Variants in CACNA1E observed in about 807,000 individuals in gnomAD.
The protein encoded by CACNA1E is calcium voltage-gated channel subunit alpha1 E, also known as voltage-dependent R-type calcium channel subunit alpha-1E.
CACNA1E carries 40 observed loss-of-function variants against 259.2 expected under a neutral mutation model. That is an observed-to-expected ratio of 0.15 (90% confidence interval 0.12 to 0.20). CACNA1E has a LOEUF of 0.20. Among genes scored for constraint, CACNA1E ranks in the 10% least tolerant of loss-of-function variants. The probability of loss-of-function intolerance (pLI) is 1.00; values close to 1 mark genes in which losing one functional copy is unlikely to be tolerated. For missense variants in CACNA1E, 1,874 were observed against 3,040.1 expected, an observed-to-expected ratio of 0.62 and a Z score of 9.02; for synonymous variants, 1,104 against 1,138.5, an observed-to-expected ratio of 0.97 and a Z score of 0.61.
Position 181,544,345 on chromosome 1 carries a change from G to A in CACNA1E, c.512+32835G>A, listed in dbSNP as rs144251364. On this transcript the variant is annotated intron_variant, in intron 3 of 47. Coordinates refer to ENST00000367573, the MANE Select transcript of CACNA1E (RefSeq NM_001205293.3). ...AATGGGTTTGGAGTTTTTTTGGAGC[G>A]TTGAAAATGTCCTAAAATTAGATAG... is the stretch of plus-strand genomic sequence containing the variant. Among the ~76,000 whole-genome samples, 1,013 of 151,410 alleles carry A rather than the reference G, an allele frequency of 6.7e-3. 11 individuals are homozygous for A. The highest frequency in any genetic ancestry group is 0.023 in the African/African-American group (935 of 41,320).
At chr1:181,579,919 C>T (rs957944388) in intron 5 of CACNA1E, among the ~76,000 whole-genome samples, 1 of 152,184 alleles carries the variant, frequency 6.6e-6, no homozygotes, top group Non-Finnish European at 1.5e-5. Flanking sequence ...GCTTGGTTTG[C>T]AAGTGTGCTT....
chr1:181,516,865 G>T (rs1267563631), intron 3 of CACNA1E, among the ~76,000 whole-genome samples: 1 of 152,244 alleles, frequency 6.6e-6, no homozygotes, highest in East Asian at 1.9e-4. Context: ...AGCCTTGCGT[G>T]GGAGGTGACC....
At chr1:181,505,369 T>TTTTTTG (rs1665621220) in intron 1 of CACNA1E, among the ~76,000 whole-genome samples, 1 of 152,052 alleles carries the variant, frequency 6.6e-6, no homozygotes, top group Non-Finnish European at 1.5e-5. Context: ...CCTTCTCTTT[T>TTTTTTG]TTTTTGTTTT....
At chr1:181,717,010 A>G (rs1653959249) in intron 10 of CACNA1E, 83 bp from the exon 11 acceptor site, 1 of 1,109,752 alleles carries the variant, frequency 9.0e-7, no homozygotes, top group African/African-American at 1.6e-5. Context: ...GGACTAGAGC[A>G]GCCCATCTTG....
chr1:181,597,656 G>A (rs150360538), intron 6 of CACNA1E, among the ~76,000 whole-genome samples: 94 of 152,294 alleles, frequency 6.2e-4, no homozygotes, highest in African/African-American at 2.2e-3. Flanking sequence ...TTTTCATGCT[G>A]CTATAAAGAC....
rs1660886868 is a variant in CACNA1E at position 181,786,860 on chromosome 1, CT to C, written c.5786+1042del. Among the ~76,000 whole-genome samples, 6 of 152,186 alleles carry C rather than the reference CT, an allele frequency of 3.9e-5. No homozygotes were observed. In the South Asian group the frequency reaches 1.2e-3, roughly 32 times the overall value. ...GCTCAGATCATTGATTTCTTTCTGC[CT>C]GTGGGGCTGGACTGTTTTTGAAAAG... is the stretch of plus-strand genomic sequence containing the variant. On this transcript the variant is annotated intron_variant, in intron 43 of 47. Transcript: ENST00000367573.
chr1:181,701,381 T>C lies in CACNA1E; in HGVS notation c.1056-9573T>C, dbSNP rs150169546. ...ACTGTAATTAGAGTGCTGTGGGGGG[T>C]GTAGATGGAGGAGAAAGAAGAATAT... On this transcript the variant is annotated intron_variant, in intron 7 of 47. Transcript: ENST00000367573. Among the ~76,000 whole-genome samples the C allele has an allele frequency of 5.2e-3, 791 of 152,166 alleles. 2 individuals are homozygous for C. The highest frequency in any genetic ancestry group is 8.4e-3 in the Non-Finnish European group (571 of 68,000).
chr1:181,359,828 T>A (rs945669794), intron 1 of CACNA1E, among the ~76,000 whole-genome samples: 5 of 152,240 alleles, frequency 3.3e-5, no homozygotes, highest in African/African-American at 9.7e-5. Flanking sequence ...ACATTCCTAT[T>A]CTGCTAGAGA....
chr1:181,462,713 A>G (rs1358763923), intron 2 of CACNA1E, among the ~76,000 whole-genome samples: 1 of 152,210 alleles, frequency 6.6e-6, no homozygotes, highest in Non-Finnish European at 1.5e-5. Flanking sequence ...TTTATGAAAA[A>G]GCATGTATAT....
chr1:181,692,905 A>G lies in CACNA1E; in HGVS notation c.1056-18049A>G, dbSNP rs115577418. ...ATATTTGCAAACTATGCATCCAACAAAGGTCTAATATCCAGAATCTCTAGG... is the reference window on the plus strand; with the variant it reads ...ATATTTGCAAACTATGCATCCAACAGAGGTCTAATATCCAGAATCTCTAGG... On this transcript the variant is annotated intron_variant, in intron 7 of 47. Coordinates refer to ENST00000367573, the MANE Select transcript of CACNA1E (RefSeq NM_001205293.3). Among the ~76,000 whole-genome samples, 531 of 152,210 alleles carry G rather than the reference A, an allele frequency of 3.5e-3. 3 individuals are homozygous for G. The highest frequency in any genetic ancestry group is 0.012 in the African/African-American group (505 of 41,538).
rs1659978652 is a variant in CACNA1E, at chr1:181,776,388, C to G, written c.5267+160C>G. 1 of 681,504 alleles carries G rather than the reference C, an allele frequency of 1.5e-6. No homozygotes were observed. The highest frequency in any genetic ancestry group is 1.8e-5 in the South Asian group (1 of 54,672). The allele number at this position is 681,504 out of a possible 1,614,324, so 42.2% of individuals were successfully genotyped here. On this transcript the variant is annotated intron_variant, in intron 38 of 47. Coordinates refer to ENST00000367573, the MANE Select transcript of CACNA1E (RefSeq NM_001205293.3). This position sits in a 1 kb window ranked among gnomAD's most constrained non-coding sequence, Gnocchi z 4.4. ...CCATAGAAGAGGCTCTGGTATCAAG[C>G]CAGTCACCAAGGACTTCTGTATCCT...
At chr1:181,766,824 CA>C (rs1391185531) in intron 35 of CACNA1E, among the ~76,000 whole-genome samples, 7 of 152,204 alleles carry the variant, frequency 4.6e-5, no homozygotes, top group Admixed American at 4.6e-4. Flanking sequence ...TAGTCTGGTA[CA>C]GGGGCTTCAT....
In CACNA1E at chr1:181,785,408, T is replaced by C. The variant is rs1660769117; in HGVS notation, c.5669T>C (p.Leu1890Pro). 6.2e-7 allele frequency: 1 copy of C among 1,607,940 alleles called. No individual in the cohort carries two copies. Among genetic ancestry groups the C allele is most frequent in the Non-Finnish European group, 8.5e-7 (1 of 1,175,170 alleles). The stretch of plus-strand genomic sequence containing the variant: ...AAGGTGAAGAAGCAGAGGCAGCAGC[T>C]GGAGGAACAGGTGAAAGTCAATGCC... ...QSKVKKQRQQ[L>P]EEQKNAPMFQ... is the part of the protein sequence containing the mutation. Residue 1890 changes from leucine (L) to proline (P), a missense_variant, in exon 42 of 48, where the codon CTG becomes CCG. Leu to Pro is a moderately conservative substitution (Grantham distance 98). This residue lies in a region of CACNA1E where 542 missense variants were observed against 587.2 expected (regional missense o/e 0.92). Coordinates refer to ENST00000367573, the MANE Select transcript of CACNA1E (RefSeq NM_001205293.3).
In CACNA1E at chr1:181,494,880, A is replaced by C. The variant is rs189932574; in HGVS notation, c.266+10870A>C. Among the ~76,000 whole-genome samples the C allele has an allele frequency of 5.6e-4, 86 of 152,350 alleles. 1 individual carries two copies. The highest frequency in any genetic ancestry group is 2.0e-3 in the African/African-American group (85 of 41,586). ...ATCAGGGACCCTCTTTCTGCTTATC[A>C]TCAGTGTATTAGTCAGTGTGCGTTG... On this transcript the variant is annotated intron_variant, in intron 1 of 47. Transcript: ENST00000367573.
chr1:181,359,385 CT>C (rs1372607502), intron 1 of CACNA1E, among the ~76,000 whole-genome samples: 1 of 152,096 alleles, frequency 6.6e-6, no homozygotes, highest in Non-Finnish European at 1.5e-5. Flanking sequence ...AACATATGAT[CT>C]TTTTAGTGTA....
At chr1:181,340,546 G>A (rs1008338386) in intron 1 of CACNA1E, among the ~76,000 whole-genome samples, 1 of 152,044 alleles carries the variant, frequency 6.6e-6, no homozygotes, top group African/African-American at 2.4e-5. Flanking sequence ...ATTCATGAAT[G>A]TGGTATGATT....
At chr1:181,420,665 T>A (rs1406066043) in intron 2 of CACNA1E, among the ~76,000 whole-genome samples, 1 of 152,166 alleles carries the variant, frequency 6.6e-6, no homozygotes, top group African/African-American at 2.4e-5. Context: ...ATATGGTAGG[T>A]GATTTGCATG....
At chr1:181,377,007 C>A (rs1476563184) in intron 1 of CACNA1E, among the ~76,000 whole-genome samples, 1 of 152,148 alleles carries the variant, frequency 6.6e-6, no homozygotes, top group Non-Finnish European at 1.5e-5. Flanking sequence ...TGGTCCCTTA[C>A]CTTGAATGCC....
At chr1:181,326,394 G>T (rs1650797847) in intron 1 of CACNA1E, among the ~76,000 whole-genome samples, 1 of 152,090 alleles carries the variant, frequency 6.6e-6, no homozygotes, top group Non-Finnish European at 1.5e-5. Context: ...TTCCTGTCCT[G>T]GCCATTCACA....
Sources: allele counts gnomAD v4.1 joint callset (sites outside exome capture counted in the v4.1 genomes callset), GRCh38; gene constraint gnomAD v4.1.1; regional missense constraint gnomAD v4.1.1; non-coding constraint Gnocchi (gnomAD v3.1); transcripts MANE v1.5; gene names NCBI Gene and HGNC (gene_info 2026-07-23, HGNC 2026-07-21).